FEV: variants seen among roughly 807,000 people sequenced by gnomAD.
FEV encodes the protein FEV transcription factor, ETS family member.
A neutral mutation model predicts 20.5 loss-of-function variants in FEV; 14 were observed. The observed-to-expected ratio is 0.68, with a 90% CI of 0.45 to 1.07. FEV has a LOEUF of 1.07. FEV is among the 50% of genes least tolerant of loss of function. The pLI is 0.00. For missense variants in FEV, 301 were observed against 345.3 expected (o/e 0.87, Z 1.02); for synonymous variants, 188 against 163.7 (o/e 1.15, Z -1.13).
chr2:218,981,605 C>T lies in FEV; in HGVS notation c.*62G>A, dbSNP rs1945385177. 1.6e-6 allele frequency: 2 copies of T among 1,216,690 alleles called. No individual in the cohort carries two copies. The highest frequency in any genetic ancestry group is 2.1e-6 in the Non-Finnish European group (2 of 966,026). The allele number at this position is 1,216,690 out of a possible 1,614,324, so 75.4% of individuals were successfully genotyped here. ...AGGCTCCCGGGCCCTCCCCGGGATG[C>T]CGATGGGATCGGGCGAGACTCTAGG... On this transcript the variant is annotated 3_prime_UTR_variant, in exon 3 of 3. Coordinates refer to ENST00000295727, the MANE Select transcript of FEV (RefSeq NM_017521.3). This position sits in a 1 kb window ranked among gnomAD's most constrained non-coding sequence, Gnocchi z 4.5.
chr2:218,982,090 G>C lies in FEV; in HGVS notation c.294C>G (p.Tyr98Ter), dbSNP rs1312347533. ...AGCGCAGGGCGCGGCTCAGCTTGTC[G>C]TAGTTCATGTTGGGCTTGCTCTTGC... ...GERKSKPNMN[Y>*]DKLSRALRYY... is the part of the protein sequence containing the mutation. Residue 98 changes from tyrosine to a stop codon, truncating the protein, a stop_gained, in exon 3 of 3, where the codon TAC (tyrosine) becomes TAG (stop). Coordinates refer to ENST00000295727, the MANE Select transcript of FEV (RefSeq NM_017521.3). LOFTEE classifies it high-confidence loss of function. The C allele has an allele frequency of 6.2e-7, 1 of 1,613,870 alleles. No homozygotes were observed.
In FEV at chr2:218,982,005, C is replaced by T. The variant is rs1292801202; in HGVS notation, c.379G>A (p.Asp127Asn). The T allele has an allele frequency of 2.5e-6, 4 of 1,611,410 alleles. No homozygotes were observed. The highest frequency in any genetic ancestry group is 2.7e-5 in the African/African-American group (2 of 74,688). The change falls in exon 3 of 3, where the codon GAC (aspartate) becomes AAC (asparagine). Residue 127 changes from aspartate (D) to asparagine (N), a missense_variant. Asp to Asn is a conservative substitution (Grantham distance 23, BLOSUM62 1). Coordinates refer to ENST00000295727, the MANE Select transcript of FEV (RefSeq NM_017521.3). ...VHGKRYAYRFDFQGLAQACQP... is the reference protein window; with the variant it reads ...VHGKRYAYRFNFQGLAQACQP... ...CAGGCCTGCGCCAGGCCCTGGAAGT[C>T]GAAGCGGTAGGCGTAGCGCTTGCCA...
At position 218,981,537 on chromosome 2, in the gene FEV, T is replaced by G. The variant is rs1342909816; in HGVS notation, c.*130A>C. 4.4e-6 allele frequency: 3 copies of G among 688,732 alleles called. No individual in the cohort carries two copies. The highest frequency in any genetic ancestry group is 6.1e-6 in the Non-Finnish European group (3 of 492,806). 42.7% of individuals were successfully genotyped at this position (688,732 alleles called of 1,614,324 possible). On this transcript the variant is annotated 3_prime_UTR_variant, in exon 3 of 3. Coordinates refer to ENST00000295727, the MANE Select transcript of FEV (RefSeq NM_017521.3). The surrounding 1 kb of genome is among the most constrained non-coding windows in gnomAD (Gnocchi z 4.5). ...GCTTCGGTCCCGTCCCCCTGCTAAG[T>G]GCGGCAGGTGGAGTAAACTCTGGAT...
Position 218,982,145 on chromosome 2 carries a change from G to T in FEV, c.239C>A (p.Pro80Gln). Residue 80 changes from proline to glutamine, a missense_variant, in exon 3 of 3, where the codon CCG becomes CAG. Transcript: ENST00000295727. ...GCCCCACCGCCGCGCCACCTCGTCC[G>T]GGTCCGTGAGCTTGAACTCGCCGTG... is the stretch of plus-strand genomic sequence containing the variant. ...GGHGEFKLTD[P>Q]DEVARRWGER... 6.2e-7 allele frequency: 1 copy of T among 1,613,492 alleles called. No individual in the cohort carries two copies. The highest frequency in any genetic ancestry group is 8.5e-7 in the Non-Finnish European group (1 of 1,179,870).
rs778083060 is a variant in FEV at position 218,984,341 on chromosome 2, C to G, written c.53-36G>C. 6.5e-7 allele frequency: 1 copy of G among 1,548,954 alleles called. No homozygotes were observed. The highest frequency in any genetic ancestry group is 8.8e-7 in the Non-Finnish European group (1 of 1,142,744). On this transcript the variant is annotated intron_variant, in intron 1 of 2. Coordinates refer to ENST00000295727, the MANE Select transcript of FEV (RefSeq NM_017521.3). This position sits in a 1 kb window ranked among gnomAD's most constrained non-coding sequence, Gnocchi z 5.0. The stretch of plus-strand genomic sequence containing the variant: ...CAGAAGAAAAGAATCAGGAGAACCC[C>G]GGGCGGAAGTTGTGGGCTTGACAAA...
At position 218,981,988 on chromosome 2, in the gene FEV, C is replaced by CG; in HGVS notation, c.395dup (p.Gln133AlafsTer121). On this transcript the variant is annotated frameshift_variant, in exon 3 of 3. Coordinates refer to ENST00000295727, the MANE Select transcript of FEV (RefSeq NM_017521.3). LOFTEE classifies it high-confidence loss of function. This position sits in a 1 kb window ranked among gnomAD's most constrained non-coding sequence, Gnocchi z 4.5. ...GCGCGGGCGGCGGCTGGCAGGCCTG[C>CG]GCCAGGCCCTGGAAGTCGAAGCGGT... 6.2e-7 allele frequency: 1 copy of CG among 1,607,338 alleles called. No individual in the cohort carries two copies. The highest frequency in any genetic ancestry group is 1.1e-5 in the South Asian group (1 of 90,502).
In FEV at chr2:218,984,417, G is replaced by A; in HGVS notation, c.53-112C>T. The A allele has an allele frequency of 9.3e-7, 1 of 1,076,274 alleles. No individual in the cohort carries two copies. The highest frequency in any genetic ancestry group is 1.3e-6 in the Non-Finnish European group (1 of 770,514). 66.7% of individuals were successfully genotyped at this position (1,076,274 alleles called of 1,614,324 possible). A position where few individuals can be genotyped will look rare whatever the true frequency, so the allele number is the denominator to read the frequency against. ...GGGTGCTGTGGTCCCCAGGCGCGAG[G>A]CTGGGGGCCCGGGCCACCCGGCTCC... On this transcript the variant is annotated intron_variant, in intron 1 of 2. Transcript: ENST00000295727. The surrounding 1 kb of genome is among the most constrained non-coding windows in gnomAD (Gnocchi z 5.0).
Position 218,984,267 on chromosome 2 carries a change from G to A in FEV, c.91C>T (p.Pro31Ser), listed in dbSNP as rs1162965160. The A allele has an allele frequency of 4.4e-6, 7 of 1,602,764 alleles. No individual in the cohort carries two copies. The African/African-American group carries it at 9.4e-5, about 21-fold the overall frequency. ...GDGLFKDGKN[P>S]SWGPLSPAVQ... ...GCGGGGCTCAGCGGCCCCCAGCTCG[G>A]GTTCTTCCCGTCCTTGAAGAGACCG... is the stretch of plus-strand genomic sequence containing the variant. Residue 31 changes from proline (P) to serine (S), a missense_variant, in exon 2 of 3, where the codon CCG becomes TCG. Pro to Ser is a moderately conservative substitution (Grantham distance 74). Transcript: ENST00000295727. The surrounding 1 kb of genome is among the most constrained non-coding windows in gnomAD (Gnocchi z 5.0).
chr2:218,981,181 C>T lies in FEV; in HGVS notation c.*486G>A. On this transcript the variant is annotated 3_prime_UTR_variant, in exon 3 of 3. Coordinates refer to ENST00000295727, the MANE Select transcript of FEV (RefSeq NM_017521.3). This position sits in a 1 kb window ranked among gnomAD's most constrained non-coding sequence, Gnocchi z 4.5. ...GGACAGGAGGAAGGGGGCCGTGTGT[C>T]ACGGAGGACGGTGGCTTTCACCAAA... 1 of 227,540 alleles carries T rather than the reference C, an allele frequency of 4.4e-6. No homozygotes were observed. Among genetic ancestry groups the T allele is most frequent in the Non-Finnish European group, 8.7e-6 (1 of 114,402 alleles). 14.1% of individuals were successfully genotyped at this position (227,540 alleles called of 1,614,324 possible).
Position 218,981,874 on chromosome 2 carries a change from C to A in FEV, c.510G>T (p.Leu170=). ...TGAGTTTGGAGAGGCCGGGGAAGGG[C>A]AGCGGGGCGAGGCCGGCGGGCAGCT... ...LYKLPAGLAP[L]PFPGLSKLNL... Residue 170 remains leucine, a synonymous_variant, in exon 3 of 3, where the codon CTG becomes CTT. Coordinates refer to ENST00000295727, the MANE Select transcript of FEV (RefSeq NM_017521.3). This position sits in a 1 kb window ranked among gnomAD's most constrained non-coding sequence, Gnocchi z 4.5. 2.4e-6 allele frequency: 3 copies of A among 1,239,428 alleles called. No homozygotes were observed. The highest frequency in any genetic ancestry group is 1.6e-5 in the African/African-American group (1 of 63,728). The allele number at this position is 1,239,428 out of a possible 1,614,324, so 76.8% of individuals were successfully genotyped here.
At position 218,984,378 on chromosome 2, in the gene FEV, C is replaced by T; in HGVS notation, c.53-73G>A. The T allele has an allele frequency of 2.1e-6, 3 of 1,454,628 alleles. No homozygotes were observed. Among genetic ancestry groups the T allele is most frequent in the South Asian group, 1.3e-5 (1 of 79,336 alleles). 90.1% of individuals were successfully genotyped at this position (1,454,628 alleles called of 1,614,324 possible). The stretch of plus-strand genomic sequence containing the variant: ...GTGGGCTTGACAAAAGGGCCCCGGG[C>T]CAAGGCTTAAGGGGGGTGCTGTGGT... On this transcript the variant is annotated intron_variant, in intron 1 of 2. Transcript: ENST00000295727. The surrounding 1 kb of genome is among the most constrained non-coding windows in gnomAD (Gnocchi z 5.0).
At position 218,981,890 on chromosome 2, in the gene FEV, G is replaced by A. The variant is rs1324810261; in HGVS notation, c.494C>T (p.Ala165Val). The part of the protein sequence containing the change: ...AQDGALYKLP[A>V]GLAPLPFPGL... ...GGGGAAGGGCAGCGGGGCGAGGCCG[G>A]CGGGCAGCTTGTAGAGCGCGCCGTC... is the stretch of plus-strand genomic sequence containing the variant. Residue 165 changes from alanine (A) to valine (V), a missense_variant, in exon 3 of 3, where the codon GCC (alanine) becomes GTC (valine). Transcript: ENST00000295727. The surrounding 1 kb of genome is among the most constrained non-coding windows in gnomAD (Gnocchi z 4.5). The A allele has an allele frequency of 8.0e-7, 1 of 1,242,328 alleles. No individual in the cohort carries two copies. Among genetic ancestry groups the A allele is most frequent in the East Asian group, 3.3e-5 (1 of 30,154 alleles). 77.0% of individuals were successfully genotyped at this position (1,242,328 alleles called of 1,614,324 possible). A position where few individuals can be genotyped will look rare whatever the true frequency, so the allele number is the denominator to read the frequency against.
intron 2 of FEV, among the ~76,000 whole-genome samples, chr2:218,983,243 CTCAA>C (rs904689059): frequency 1.3e-5 from 2 of 152,180 alleles, no homozygotes; most frequent in African/African-American, 4.8e-5. Context: ...GTCTTGGAGC[CTCAA>C]GCAGACAGGC....
chr2:218,984,898 C>T lies in FEV; in HGVS notation c.52+126G>A, dbSNP rs1006616642. ...CCAGTGCCCTACATTACAATCGGCC[C>T]TCCATGCAACCCGAATCTCCGGACA... On this transcript the variant is annotated intron_variant, in intron 1 of 2. Coordinates refer to ENST00000295727, the MANE Select transcript of FEV (RefSeq NM_017521.3). The surrounding 1 kb of genome is among the most constrained non-coding windows in gnomAD (Gnocchi z 5.0). The T allele has an allele frequency of 6.8e-6, 6 of 876,026 alleles. No individual in the cohort carries two copies. Among genetic ancestry groups the T allele is most frequent in the African/African-American group, 6.7e-5 (4 of 59,766 alleles). 54.3% of individuals were successfully genotyped at this position (876,026 alleles called of 1,614,324 possible). A position where few individuals can be genotyped will look rare whatever the true frequency, so the allele number is the denominator to read the frequency against.
chr2:218,984,487 T>C lies in FEV; in HGVS notation c.53-182A>G, dbSNP rs1002736096. On this transcript the variant is annotated intron_variant, in intron 1 of 2. Coordinates refer to ENST00000295727, the MANE Select transcript of FEV (RefSeq NM_017521.3). This position sits in a 1 kb window ranked among gnomAD's most constrained non-coding sequence, Gnocchi z 5.0. Reference sequence around the variant, plus strand: ...AGGCGCGCTGCGCGGAGCCCCTCCATAGAGCCCAAGTCAGGAAACGCGTCC... The same window carrying C: ...AGGCGCGCTGCGCGGAGCCCCTCCACAGAGCCCAAGTCAGGAAACGCGTCC... 11 of 540,904 alleles carry C rather than the reference T, an allele frequency of 2.0e-5. No homozygotes were observed. In the African/African-American group the frequency reaches 2.1e-4, roughly 10 times the overall value. 33.5% of individuals were successfully genotyped at this position (540,904 alleles called of 1,614,324 possible). A position where few individuals can be genotyped will look rare whatever the true frequency, so the allele number is the denominator to read the frequency against.
chr2:218,983,730 C>T (rs970610903), intron 2 of FEV, among the ~76,000 whole-genome samples: 13 of 152,160 alleles, frequency 8.5e-5, no homozygotes, highest in Admixed American at 3.3e-4. Flanking sequence ...ACCCGTGGAG[C>T]GCTGGTGGTG....
rs985141386 is a variant in FEV at position 218,984,291 on chromosome 2, C to T, written c.67G>A (p.Gly23Ser). The change falls in exon 2 of 3, where the codon GGT becomes AGT. Residue 23 changes from glycine to serine, a missense_variant. Transcript: ENST00000295727. This position sits in a 1 kb window ranked among gnomAD's most constrained non-coding sequence, Gnocchi z 5.0. ...GGGTTCTTCCCGTCCTTGAAGAGAC[C>T]GTCTCCGACGGGATCTGCAAGCAGC... The part of the protein sequence containing the change: ...NMYLPDPVGD[G>S]LFKDGKNPSW... The T allele has an allele frequency of 2.5e-6, 4 of 1,597,218 alleles. No individual in the cohort carries two copies. Among genetic ancestry groups the T allele is most frequent in the Non-Finnish European group, 2.6e-6 (3 of 1,171,878 alleles).
chr2:218,982,479 T>C (rs1202485119), intron 2 of FEV, among the ~76,000 whole-genome samples: 5 of 152,216 alleles, frequency 3.3e-5, no homozygotes, highest in African/African-American at 9.6e-5. Flanking sequence ...AAATGCGGCT[T>C]CCACTGAAGA....
chr2:218,981,653 C>G lies in FEV; in HGVS notation c.*14G>C. ...AGGCGTGCGGGCGAGGCCGCAGGCACCCGACCGCCCCGTCTAGTGGTAATG... is the reference window on the plus strand; with the variant it reads ...AGGCGTGCGGGCGAGGCCGCAGGCAGCCGACCGCCCCGTCTAGTGGTAATG... On this transcript the variant is annotated 3_prime_UTR_variant, in exon 3 of 3. Transcript: ENST00000295727. This position sits in a 1 kb window ranked among gnomAD's most constrained non-coding sequence, Gnocchi z 4.5. 7.7e-7 allele frequency: 1 copy of G among 1,294,940 alleles called. No individual in the cohort carries two copies. The highest frequency in any genetic ancestry group is 9.7e-7 in the Non-Finnish European group (1 of 1,026,008). 80.2% of individuals were successfully genotyped at this position (1,294,940 alleles called of 1,614,324 possible).
Sources: allele counts gnomAD v4.1 joint callset (sites outside exome capture counted in the v4.1 genomes callset), GRCh38; gene constraint gnomAD v4.1.1; non-coding constraint Gnocchi (gnomAD v3.1); transcripts MANE v1.5; gene names NCBI Gene and HGNC (gene_info 2026-07-23, HGNC 2026-07-21).